Variants in PCDHGA2 observed in about 807,000 individuals in gnomAD.
PCDHGA2 encodes the protein protocadherin gamma subfamily A, 2, also known as protocadherin gamma-A2.
Under a neutral mutation model 59.2 loss-of-function variants are expected in PCDHGA2, and 40 were observed. The observed-to-expected ratio is 0.68, with a 90% CI of 0.52 to 0.88. The LOEUF is 0.88. Among genes scored for constraint, PCDHGA2 ranks in the 40% least tolerant of loss-of-function variants. The pLI is 0.00. For missense variants in PCDHGA2, 1,226 were observed against 1,204.0 expected, an observed-to-expected ratio of 1.02 and a Z score of -0.27; for synonymous variants, 560 against 526.0, an observed-to-expected ratio of 1.06 and a Z score of -0.89.
chr5:141,450,838 T>A (rs2098698352), intron 1 of PCDHGA2, among the ~76,000 whole-genome samples: 1 of 149,278 alleles, frequency 6.7e-6, no homozygotes, highest in African/African-American at 2.5e-5. Flanking sequence ...TATTTTTTTT[T>A]TTTTGAGATG....
chr5:141,352,360 C>T (rs750327987), intron 1 of PCDHGA2: 11 of 1,613,940 alleles, frequency 6.8e-6, no homozygotes, highest in Non-Finnish European at 7.6e-6. Context: ...TGCTCTTTCT[C>T]CTCGCGGTGA....
At chr5:141,344,701 C>G (rs1757457435) in intron 1 of PCDHGA2, 1 of 1,613,998 alleles carries the variant, frequency 6.2e-7, no homozygotes, top group African/African-American at 1.3e-5. Context: ...CCTGTCCACT[C>G]TGGCAACTTG....
intron 1 of PCDHGA2, chr5:141,420,440 C>G (rs1298244162): frequency 9.3e-7 from 1 of 1,076,214 alleles, no homozygotes; most frequent in Non-Finnish European, 1.2e-6. Context: ...AATTAAATGC[C>G]TCAGTCTTCC....
intron 1 of PCDHGA2, chr5:141,387,595 A>C (rs191053839): frequency 6.0e-5 from 32 of 532,776 alleles, no homozygotes; most frequent in Admixed American, 2.6e-4. Flanking sequence ...AACTTGAAGC[A>C]GCAGAGGCTG....
chr5:141,452,914 TAAGA>T (rs1164409830), intron 1 of PCDHGA2, among the ~76,000 whole-genome samples: 1 of 152,226 alleles, frequency 6.6e-6, no homozygotes, highest in African/African-American at 2.4e-5. Flanking sequence ...CATTATACAG[TAAGA>T]AAGAGCTGCT....
In PCDHGA2 at chr5:141,511,477, C is replaced by A; in HGVS notation, c.*304C>A. 2.1e-6 allele frequency: 1 copy of A among 482,262 alleles called. No homozygotes were observed. The allele number at this position is 482,262 out of a possible 1,614,324, so 29.9% of individuals were successfully genotyped here. A position where few individuals can be genotyped will look rare whatever the true frequency, so the allele number is the denominator to read the frequency against. On this transcript the variant is annotated 3_prime_UTR_variant, in exon 4 of 4. Coordinates refer to ENST00000394576, the MANE Select transcript of PCDHGA2 (RefSeq NM_018915.4). ...TTTGCCACACCCCGTTTAGTTACAG[C>A]TGAACTCCTCCATCTTCCAAATCAA...
At chr5:141,372,743 T>G (rs989554651) in intron 1 of PCDHGA2, 2 of 1,613,618 alleles carry the variant, frequency 1.2e-6, no homozygotes, top group Admixed American at 1.7e-5. Context: ...TTCTATGTGA[T>G]GAAGCCTCTT....
intron 1 of PCDHGA2, chr5:141,400,255 C>T: frequency 6.2e-7 from 1 of 1,614,046 alleles, no homozygotes; most frequent in Non-Finnish European, 8.5e-7. Flanking sequence ...CGTTGCCTTG[C>T]GCCTGCGACG....
intron 1 of PCDHGA2, among the ~76,000 whole-genome samples, chr5:141,347,225 C>T (rs1455859210): frequency 7.0e-6 from 1 of 143,354 alleles, no homozygotes; most frequent in Non-Finnish European, 1.5e-5. Context: ...ATGATCACGG[C>T]TCACTGCAGC....
At position 141,393,382 on chromosome 5, in the gene PCDHGA2, T is replaced by G. The variant is rs778957877; in HGVS notation, c.2424+51987T>G. ...GTGCAGACTGGAGACAATGGAGCCA[T>G]AAACCCAGAGCTGGTGCTGGAGCGC... On this transcript the variant is annotated intron_variant, in intron 1 of 3. Coordinates refer to ENST00000394576, the MANE Select transcript of PCDHGA2 (RefSeq NM_018915.4). The G allele has an allele frequency of 1.9e-6, 3 of 1,613,948 alleles. No individual in the cohort carries two copies. In the South Asian group the frequency reaches 3.3e-5, roughly 18 times the overall value.
intron 1 of PCDHGA2, among the ~76,000 whole-genome samples, chr5:141,457,274 C>T (rs1307741345): frequency 1.3e-5 from 2 of 152,200 alleles, no homozygotes; most frequent in Non-Finnish European, 2.9e-5. Context: ...CCTCTGTGGG[C>T]CTACGAAGTT....
intron 1 of PCDHGA2, among the ~76,000 whole-genome samples, chr5:141,471,692 C>A (rs1293253544): frequency 6.6e-6 from 1 of 152,118 alleles, no homozygotes; most frequent in African/African-American, 2.4e-5. Context: ...TTCTGAAATT[C>A]TGGCTGGAAT....
At chr5:141,366,725 GCAAA>G (rs1561539069) in intron 1 of PCDHGA2, 1 of 1,613,584 alleles carries the variant, frequency 6.2e-7, no homozygotes, top group East Asian at 2.2e-5. Context: ...TAAGGTAGAT[GCAAA>G]CAAAGAAGAA....
rs749415234 is a variant in PCDHGA2, at chr5:141,419,462, C to A, written c.2425-75345C>A. On this transcript the variant is annotated intron_variant, in intron 1 of 3. Transcript: ENST00000394576. Reference sequence around the variant, plus strand: ...CACCTTCGAGCTCACGCTGCAGGCCCGCGACCAGGGCTCGCCCGCGCTCAG... The same window carrying A: ...CACCTTCGAGCTCACGCTGCAGGCCAGCGACCAGGGCTCGCCCGCGCTCAG... 2.5e-6 allele frequency: 4 copies of A among 1,612,582 alleles called. No homozygotes were observed. In the Admixed American group the frequency reaches 6.7e-5, roughly 27 times the overall value.
chr5:141,410,945 C>A, intron 1 of PCDHGA2: 1 of 192,458 alleles, frequency 5.2e-6, no homozygotes, highest in Non-Finnish European at 1.0e-5. Context: ...CCTCCGCCTT[C>A]TGGGTTCAAG....
intron 1 of PCDHGA2, among the ~76,000 whole-genome samples, chr5:141,451,924 G>C (rs1337159204): frequency 1.3e-5 from 2 of 152,008 alleles, no homozygotes; most frequent in African/African-American, 4.8e-5. Context: ...AAGGAAGGGA[G>C]GTAGGGAGGC....
At chr5:141,361,494 A>G (rs760056101) in intron 1 of PCDHGA2, 66 of 1,613,860 alleles carry the variant, frequency 4.1e-5, no homozygotes, top group Non-Finnish European at 5.4e-5. Flanking sequence ...CAGTTTTCCA[A>G]CAGACTTCCT....
intron 1 of PCDHGA2, among the ~76,000 whole-genome samples, chr5:141,425,068 A>G (rs1484760901): frequency 6.6e-6 from 1 of 152,174 alleles, no homozygotes; most frequent in African/African-American, 2.4e-5. Context: ...GGACAAAAAT[A>G]ATTTCAACTG....
intron 1 of PCDHGA2, chr5:141,345,630 A>G: frequency 6.2e-7 from 1 of 1,614,206 alleles, no homozygotes; most frequent in Non-Finnish European, 8.5e-7. Context: ...GCTACTGGTG[A>G]CAGCCAGCGA....
Sources: gnomAD v4.1 joint callset for allele counts (sites outside exome capture counted in the v4.1 genomes callset) on GRCh38, gnomAD v4.1.1 for gene constraint, MANE v1.5 for transcripts, NCBI Gene and HGNC (gene_info 2026-07-23, HGNC 2026-07-21) for gene names.